The following KANSL1 variants were observed in gnomAD, a reference collection of about 807,000 sequenced individuals.
KANSL1 encodes the protein KAT8 regulatory NSL complex subunit 1.
Under a neutral mutation model 103.6 loss-of-function variants are expected in KANSL1, and 22 were observed. That is an observed-to-expected ratio of 0.21 (90% CI 0.15 to 0.30). KANSL1 has a LOEUF of 0.30. KANSL1 is among the 10% of genes least tolerant of loss of function. The pLI, the probability that KANSL1 is intolerant of heterozygous loss-of-function variation, is 1.00. For synonymous variants in KANSL1, 600 were observed against 527.6 expected (o/e 1.14, Z -1.88); for missense variants, 1,337 against 1,399.8 (o/e 0.96, Z 0.72).
chr17:46,129,483 A>G (rs983692978), intron 2 of KANSL1, among the ~76,000 whole-genome samples: 2 of 152,226 alleles, frequency 1.3e-5, no homozygotes, highest in Non-Finnish European at 2.9e-5. Flanking sequence ...CGTGAGTTAC[A>G]AGATTGGCTA....
chr17:46,163,333 T>C (rs1355503049), intron 2 of KANSL1, among the ~76,000 whole-genome samples: 9 of 152,344 alleles, frequency 5.9e-5, no homozygotes, highest in East Asian at 5.8e-4. Flanking sequence ...CCCCCATTTA[T>C]AGAAGATTAT....
intron 2 of KANSL1, among the ~76,000 whole-genome samples, chr17:46,137,784 G>A (rs1323840142): frequency 6.6e-6 from 1 of 151,506 alleles, no homozygotes; most frequent in Non-Finnish European, 1.5e-5. Flanking sequence ...GGAGAATGGC[G>A]TGAACCCAGG....
chr17:46,039,322 G>A (rs896406476), intron 8 of KANSL1, 107 bp from the exon 9 acceptor site: 1 of 1,051,766 alleles, frequency 9.5e-7, no homozygotes, highest in South Asian at 1.8e-5. Flanking sequence ...GTATACCCAG[G>A]GCAGCAGGAC....
intron 4 of KANSL1, among the ~76,000 whole-genome samples, chr17:46,076,329 C>G (rs1467021550): frequency 6.6e-6 from 1 of 151,726 alleles, no homozygotes; most frequent in African/African-American, 2.4e-5. Flanking sequence ...ACCCCCGTCT[C>G]CACTAAAAAT....
At chr17:46,105,947 A>ACCCCCC (rs67725690) in intron 2 of KANSL1, among the ~76,000 whole-genome samples, 7 of 57,864 alleles carry the variant, frequency 1.2e-4, no homozygotes, top group African/African-American at 3.3e-4. Flanking sequence ...ACACACACAC[A>ACCCCCC]CCCCCCCAGA....
At chr17:46,111,287 T>A (rs757798825) in intron 2 of KANSL1, among the ~76,000 whole-genome samples, 2 of 149,402 alleles carry the variant, frequency 1.3e-5, no homozygotes, top group Admixed American at 6.7e-5. Context: ...CTCGGCTTAC[T>A]GCAACCTCCG....
chr17:46,043,020 T>G (rs2077380492), intron 7 of KANSL1: 1 of 152,180 alleles, frequency 6.6e-6, no homozygotes, highest in South Asian at 2.1e-4. Context: ...ACTTAAAAAC[T>G]CAGCTATACC....
chr17:46,187,825 G>T (rs568550797), intron 1 of KANSL1, among the ~76,000 whole-genome samples: 137 of 147,642 alleles, frequency 9.3e-4, no homozygotes, highest in East Asian at 3.5e-3. Flanking sequence ...TAAAATGTTT[G>T]ATTTTTTTCT....
chr17:46,115,440 G>A (rs1227420178), intron 2 of KANSL1, among the ~76,000 whole-genome samples: 1 of 127,840 alleles, frequency 7.8e-6, no homozygotes, highest in Admixed American at 8.5e-5. Flanking sequence ...ATAGTATAAA[G>A]CTATCGAGTG....
chr17:46,086,957 G>A (rs55692232), intron 3 of KANSL1, among the ~76,000 whole-genome samples: 21,796 of 152,140 alleles, frequency 0.14, 2,133 homozygotes, highest in Non-Finnish European at 0.22. Context: ...TAGTAGAGAA[G>A]GGGTTTCACC....
intron 6 of KANSL1, among the ~76,000 whole-genome samples, chr17:46,055,949 A>G (rs531408497): frequency 9.5e-4 from 144 of 152,366 alleles, no homozygotes; most frequent in African/African-American, 3.2e-3. Context: ...AAACGGCTGC[A>G]TTTCTGCCTC....
chr17:46,110,226 G>C (rs1002005688), intron 2 of KANSL1, among the ~76,000 whole-genome samples: 9 of 152,202 alleles, frequency 5.9e-5, no homozygotes, highest in African/African-American at 2.2e-4. Flanking sequence ...GGTCTAATGA[G>C]AGAAAGCACA....
intron 2 of KANSL1, among the ~76,000 whole-genome samples, chr17:46,147,682 A>T (rs987417752): frequency 2.6e-5 from 4 of 152,188 alleles, no homozygotes; most frequent in Admixed American, 2.0e-4. Flanking sequence ...TTGCTTGACC[A>T]ACTTAACAAA....
intron 2 of KANSL1, among the ~76,000 whole-genome samples, chr17:46,108,291 T>C (rs1273810295): frequency 6.6e-6 from 1 of 152,190 alleles, no homozygotes; most frequent in Non-Finnish European, 1.5e-5. Context: ...TCACTGCTGT[T>C]TGCTGAACAT....
chr17:46,051,521 C>A (rs1272600062), intron 6 of KANSL1, among the ~76,000 whole-genome samples: 1 of 152,184 alleles, frequency 6.6e-6, no homozygotes, highest in Non-Finnish European at 1.5e-5. Context: ...AAAAACTGAA[C>A]ATCTACAATT....
At chr17:46,054,415 C>G (rs1446593780) in intron 6 of KANSL1, among the ~76,000 whole-genome samples, 3 of 152,186 alleles carry the variant, frequency 2.0e-5, no homozygotes, top group Admixed American at 1.3e-4. Context: ...TACACTCAAT[C>G]TAGTCCAAGT....
chr17:46,065,564 T>C (rs1382350400), intron 6 of KANSL1, among the ~76,000 whole-genome samples: 1 of 152,094 alleles, frequency 6.6e-6, no homozygotes, highest in East Asian at 1.9e-4. Context: ...AACAACCCTA[T>C]GAGATCTCTG....
chr17:46,165,531 GAC>G (rs1316577629), intron 2 of KANSL1, among the ~76,000 whole-genome samples: 1 of 144,968 alleles, frequency 6.9e-6, no homozygotes. Context: ...TTTTTTTTGA[GAC>G]ACAGTTTCAC....
intron 2 of KANSL1, among the ~76,000 whole-genome samples, chr17:46,099,999 A>G (rs114153419): frequency 3.0e-3 from 454 of 152,342 alleles, no homozygotes; most frequent in African/African-American, 0.01. Context: ...ATGTGCTAGT[A>G]TTGGTTTACA....
Sources: allele counts gnomAD v4.1 joint callset (sites outside exome capture counted in the v4.1 genomes callset), GRCh38; gene constraint gnomAD v4.1.1; transcripts MANE v1.5; gene names NCBI Gene and HGNC (gene_info 2026-07-23, HGNC 2026-07-21).